MARCHF1: variants seen among roughly 807,000 people sequenced by gnomAD.
MARCHF1 encodes membrane associated ring-CH-type finger 1.
MARCHF1 carries 40 observed loss-of-function variants against 54.2 expected under a neutral mutation model. The ratio of observed to expected loss-of-function variants is 0.74; its 90% confidence interval spans 0.57 to 0.96. The LOEUF (loss-of-function observed/expected upper bound fraction) is 0.96. MARCHF1 is among the 40% of genes least tolerant of loss of function. MARCHF1 has a pLI of 0.00. For synonymous variants in MARCHF1, 236 were observed against 236.3 expected (o/e 1.00, Z 0.01); for missense variants, 586 against 656.5 (o/e 0.89, Z 1.17).
At chr4:163,647,394 AC>A (rs1415958764) in intron 5 of MARCHF1, among the ~76,000 whole-genome samples, 16 of 152,092 alleles carry the variant, frequency 1.1e-4, no homozygotes, top group Non-Finnish European at 2.1e-4. Context: ...GACTTGAACT[AC>A]ACTTTAGGTG....
intron 1 of MARCHF1, among the ~76,000 whole-genome samples, chr4:164,379,166 C>T (rs929602309): frequency 6.6e-6 from 1 of 151,780 alleles, no homozygotes; most frequent in Non-Finnish European, 1.5e-5. Flanking sequence ...ATGGAGAAAA[C>T]AGATAAATTG....
chr4:164,011,593 C>T (rs1250717526), intron 2 of MARCHF1, among the ~76,000 whole-genome samples: 2 of 152,156 alleles, frequency 1.3e-5, no homozygotes, highest in African/African-American at 4.8e-5. Flanking sequence ...ATCCCAGTTA[C>T]AATGGCTTAT....
At chr4:164,202,924 C>G (rs1731493666) in intron 1 of MARCHF1, among the ~76,000 whole-genome samples, 1 of 152,060 alleles carries the variant, frequency 6.6e-6, no homozygotes, top group East Asian at 1.9e-4. Flanking sequence ...ATCCATCCAC[C>G]ATTAAACCAA....
intron 4 of MARCHF1, among the ~76,000 whole-genome samples, chr4:163,778,970 T>C (rs947056217): frequency 6.6e-6 from 1 of 152,170 alleles, no homozygotes; most frequent in Non-Finnish European, 1.5e-5. Context: ...TTGTACCCCA[T>C]ACACTTATAC....
intron 7 of MARCHF1, among the ~76,000 whole-genome samples, chr4:163,603,481 T>A (rs1455527512): frequency 6.6e-6 from 1 of 152,110 alleles, no homozygotes; most frequent in African/African-American, 2.4e-5. Flanking sequence ...CCAATGCTTA[T>A]CTATCTTACT....
At chr4:164,157,412 C>A (rs1730106481) in intron 1 of MARCHF1, among the ~76,000 whole-genome samples, 1 of 152,088 alleles carries the variant, frequency 6.6e-6, no homozygotes, top group Non-Finnish European at 1.5e-5. Context: ...GAAAATAATG[C>A]ATATTGCTCT....
chr4:164,368,118 A>G (rs1730931108), intron 1 of MARCHF1, among the ~76,000 whole-genome samples: 1 of 151,572 alleles, frequency 6.6e-6, no homozygotes, highest in Non-Finnish European at 1.5e-5. Flanking sequence ...AACTAGAAAA[A>G]AAAAACCACA....
intron 1 of MARCHF1, among the ~76,000 whole-genome samples, chr4:164,203,464 G>C (rs1579620815): frequency 1.3e-5 from 2 of 152,142 alleles, no homozygotes; most frequent in Non-Finnish European, 2.9e-5. Context: ...CTGTCTATTG[G>C]TCTTGTTCCT....
At chr4:164,142,255 G>A (rs981711489) in intron 1 of MARCHF1, among the ~76,000 whole-genome samples, 1 of 152,174 alleles carries the variant, frequency 6.6e-6, no homozygotes, top group Admixed American at 6.5e-5. Context: ...AGGGGCACCC[G>A]CTATTGCCCA....
intron 1 of MARCHF1, among the ~76,000 whole-genome samples, chr4:164,261,759 GTATTT>G (rs1733472783): frequency 6.6e-6 from 1 of 151,996 alleles, no homozygotes; most frequent in Admixed American, 6.6e-5. Flanking sequence ...TTTACACACT[GTATTT>G]TATTTTTTCA....
intron 2 of MARCHF1, among the ~76,000 whole-genome samples, chr4:164,096,126 T>G (rs1560901562): frequency 6.6e-6 from 1 of 152,200 alleles, no homozygotes; most frequent in Non-Finnish European, 1.5e-5. Flanking sequence ...ATATGTTCAC[T>G]GCAGCACTAT....
rs570751886 is a variant in MARCHF1, at chr4:164,243,491, C to T, written c.-322-131829G>A. 4.5e-3 allele frequency among the ~76,000 whole-genome samples: 685 copies of T among 152,110 alleles called. 4 individuals are homozygous for T. The highest frequency in any genetic ancestry group is 0.016 in the African/African-American group (646 of 41,470). On this transcript the variant is annotated intron_variant, in intron 1 of 9. Transcript: ENST00000514618. The stretch of plus-strand genomic sequence containing the variant: ...ATGGAAAGGAACAACCAGTACCAGC[C>T]GCTGCAAAATCATGCCAAAATGTAA...
At chr4:164,099,161 A>G (rs1415004666) in intron 2 of MARCHF1, among the ~76,000 whole-genome samples, 2 of 152,192 alleles carry the variant, frequency 1.3e-5, no homozygotes, top group African/African-American at 4.8e-5. Context: ...TCTGACTTGT[A>G]TGGGGTGCTT....
At chr4:164,372,189 C>T (rs1234462014) in intron 1 of MARCHF1, among the ~76,000 whole-genome samples, 1 of 152,166 alleles carries the variant, frequency 6.6e-6, no homozygotes, top group Non-Finnish European at 1.5e-5. Context: ...ATCAAAATAT[C>T]GTGATTAATG....
chr4:164,033,846 C>T (rs1350820696), intron 2 of MARCHF1, among the ~76,000 whole-genome samples: 2 of 152,108 alleles, frequency 1.3e-5, no homozygotes, highest in Non-Finnish European at 2.9e-5. Flanking sequence ...TTAGTTCAAC[C>T]ATTGTGGAAG....
At chr4:164,072,704 TAAAAAAA>T (rs3029712) in intron 2 of MARCHF1, among the ~76,000 whole-genome samples, 1 of 136,378 alleles carries the variant, frequency 7.3e-6, no homozygotes, top group Non-Finnish European at 1.6e-5. Context: ...TTTTCTCTAG[TAAAAAAA>T]AAAAAAAAAA....
intron 1 of MARCHF1, among the ~76,000 whole-genome samples, chr4:164,363,206 TG>T (rs1730775988): frequency 6.6e-6 from 1 of 151,984 alleles, no homozygotes; most frequent in Non-Finnish European, 1.5e-5. Flanking sequence ...AGACTGAACC[TG>T]GGGAAAAAAA....
chr4:164,318,546 T>A (rs1053953072), intron 1 of MARCHF1, among the ~76,000 whole-genome samples: 1 of 152,072 alleles, frequency 6.6e-6, no homozygotes, highest in African/African-American at 2.4e-5. Context: ...ACCAAAGAGG[T>A]GGCAGGTGTT....
chr4:163,887,629 G>A (rs1243782588), intron 3 of MARCHF1, among the ~76,000 whole-genome samples: 2 of 152,120 alleles, frequency 1.3e-5, no homozygotes, highest in East Asian at 3.8e-4. Flanking sequence ...ATGTACTTAC[G>A]AAGAGAGTGC....
Sources: allele counts gnomAD v4.1 joint callset (sites outside exome capture counted in the v4.1 genomes callset), GRCh38; gene constraint gnomAD v4.1.1; transcripts MANE v1.5; gene names NCBI Gene and HGNC (gene_info 2026-07-23, HGNC 2026-07-21).